KIF26B: variants seen among roughly 807,000 people sequenced by gnomAD.
KIF26B encodes kinesin family member 26B, also known as kinesin-like protein KIF26B.
KIF26B carries 63 observed loss-of-function variants against 151.2 expected under a neutral mutation model. The ratio of observed to expected loss-of-function variants is 0.42; its 90% CI spans 0.34 to 0.51. KIF26B has a LOEUF of 0.51. Among genes scored for constraint, KIF26B ranks in the 20% least tolerant of loss-of-function variants. KIF26B has a pLI of 0.07. For synonymous variants in KIF26B, 1,357 were observed against 1,262.1 expected (o/e 1.08, Z -1.59); for missense variants, 2,813 against 2,913.6 (o/e 0.97, Z 0.79).
intron 10 of KIF26B, among the ~76,000 whole-genome samples, chr1:245,678,264 T>A (rs2044380096): frequency 6.6e-6 from 1 of 151,810 alleles, no homozygotes. Flanking sequence ...TGCAGGGCCC[T>A]GGGGTTTGGG....
intron 2 of KIF26B, among the ~76,000 whole-genome samples, chr1:245,333,256 C>A (rs1449514345): frequency 1.3e-5 from 2 of 152,182 alleles, no homozygotes; most frequent in Non-Finnish European, 2.9e-5. Context: ...AATGTTGTTT[C>A]AGCCGTAAAA....
chr1:245,534,880 T>TCAAGCGATTCTCCCACCTC, intron 4 of KIF26B, among the ~76,000 whole-genome samples: 1 of 151,930 alleles, frequency 6.6e-6, no homozygotes, highest in Non-Finnish European at 1.5e-5. Flanking sequence ...CCTCCCAGGT[T>TCAAGCGATTCTCCCACCTC]CAAGCGATTC....
chr1:245,496,177 G>A (rs35911362), intron 4 of KIF26B, among the ~76,000 whole-genome samples: 5,038 of 152,262 alleles, frequency 0.033, 132 homozygotes, highest in Non-Finnish European at 0.05. Flanking sequence ...AATATGAGAT[G>A]TATTGATGGC....
chr1:245,575,441 C>G (rs2043109505), intron 5 of KIF26B, among the ~76,000 whole-genome samples: 1 of 151,868 alleles, frequency 6.6e-6, no homozygotes, highest in African/African-American at 2.4e-5. Context: ...TGCCACTATA[C>G]TCCAGCCTGG....
rs550482054 is a variant in KIF26B at position 245,591,967 on chromosome 1, G to A, written c.1351-10610G>A. 2.6e-4 allele frequency among the ~76,000 whole-genome samples: 39 copies of A among 152,246 alleles called. No homozygotes were observed. In the South Asian group the frequency reaches 7.1e-3, roughly 28 times the overall value. ...TTGGTTTCAACTCCCTCCCTCCAGC[G>A]CGCAGTCCCTTGCCGGGCTTGCCTG... On this transcript the variant is annotated intron_variant, in intron 5 of 14. Coordinates refer to ENST00000407071, the MANE Select transcript of KIF26B (RefSeq NM_018012.4).
chr1:245,178,515 G>A (rs6661783), intron 2 of KIF26B, among the ~76,000 whole-genome samples: 28,826 of 151,938 alleles, frequency 0.19, 3,792 homozygotes, highest in African/African-American at 0.38. Context: ...CTTTTTAAGC[G>A]TATGGTTCAG....
At position 245,687,059 on chromosome 1, in the gene KIF26B, G is replaced by A. The variant is rs747548249; in HGVS notation, c.4076G>A (p.Gly1359Asp). ...TTCAACAAAGCAGCCCCCATCAAAGGCTGCAAAATATCCACAGTGAGCAAG... is the reference window on the plus strand; with the variant it reads ...TTCAACAAAGCAGCCCCCATCAAAGACTGCAAAATATCCACAGTGAGCAAG... ...DSFNKAAPIK[G>D]CKISTVSKAM... is the part of the protein sequence containing the mutation. Residue 1359 changes from glycine (G) to aspartate (D), a missense_variant, in exon 12 of 15, where the codon GGC (glycine) becomes GAC (aspartate). Physicochemically the swap from Gly to Asp is moderately conservative, Grantham distance 94 (BLOSUM62 -1). This residue lies in a region of KIF26B where 2,060 missense variants were observed against 2,088.6 expected (regional missense o/e 0.99). Coordinates refer to ENST00000407071, the MANE Select transcript of KIF26B (RefSeq NM_018012.4). This position sits in a 1 kb window ranked among gnomAD's most constrained non-coding sequence, Gnocchi z 4.9. 9 of 1,613,356 alleles carry A rather than the reference G, an allele frequency of 5.6e-6. No individual in the cohort carries two copies. The highest frequency in any genetic ancestry group is 5.5e-5 in the South Asian group (5 of 91,028).
At position 245,698,158 on chromosome 1, in the gene KIF26B, T is replaced by C. The variant is rs1401514914; in HGVS notation, c.5877T>C (p.Pro1959=). 3.7e-6 allele frequency: 6 copies of C among 1,614,010 alleles called. No homozygotes were observed. In the Admixed American group the frequency reaches 1.0e-4, roughly 27 times the overall value. The change falls in exon 13 of 15, where the codon CCT becomes CCC. Residue 1959 remains proline (P), a synonymous_variant. Coordinates refer to ENST00000407071, the MANE Select transcript of KIF26B (RefSeq NM_018012.4). The surrounding 1 kb of genome is among the most constrained non-coding windows in gnomAD (Gnocchi z 4.0). ...CACTATCCCTGGACACCTCTTCCCCTGTGAGAAAACCCCCCAACAGCACAG... is the reference window on the plus strand; with the variant it reads ...CACTATCCCTGGACACCTCTTCCCCCGTGAGAAAACCCCCCAACAGCACAG... The part of the protein sequence containing the change: ...IPALSLDTSS[P]VRKPPNSTGV...
chr1:245,621,526 T>C (rs1340800640), intron 9 of KIF26B, among the ~76,000 whole-genome samples: 2 of 152,220 alleles, frequency 1.3e-5, no homozygotes. Flanking sequence ...GGTCAAAGTC[T>C]AGACTTAAAA....
rs533579997 is a variant in KIF26B at position 245,424,186 on chromosome 1, C to A, written c.1166+4441C>A. 3.3e-5 allele frequency among the ~76,000 whole-genome samples: 5 copies of A among 152,184 alleles called. No homozygotes were observed. In the South Asian group the frequency reaches 1.0e-3, roughly 32 times the overall value. Reference sequence around the variant, plus strand: ...TTTATTTTTGAGATGGAGTCCCACTCACTCTGTTTCCCAGGCTGGAGTGCA... The same window carrying A: ...TTTATTTTTGAGATGGAGTCCCACTAACTCTGTTTCCCAGGCTGGAGTGCA... On this transcript the variant is annotated intron_variant, in intron 4 of 14. Coordinates refer to ENST00000407071, the MANE Select transcript of KIF26B (RefSeq NM_018012.4).
intron 10 of KIF26B, among the ~76,000 whole-genome samples, chr1:245,683,529 C>T (rs2044466752): frequency 6.6e-6 from 1 of 152,158 alleles, no homozygotes. Flanking sequence ...ATTATCACCA[C>T]TCAGGGCAGT....
intron 3 of KIF26B, among the ~76,000 whole-genome samples, chr1:245,376,104 G>A (rs1673266957): frequency 6.6e-6 from 1 of 152,168 alleles, no homozygotes; most frequent in Admixed American, 6.5e-5. Context: ...AGGAACGGGA[G>A]GGGAAGGAGA....
intron 3 of KIF26B, among the ~76,000 whole-genome samples, chr1:245,392,807 CTG>C (rs1305376321): frequency 1.3e-5 from 2 of 152,140 alleles, no homozygotes; most frequent in Non-Finnish European, 2.9e-5. Context: ...TTTTTTAACA[CTG>C]TTTTTCCTTT....
Position 245,366,909 on chromosome 1 carries a change from G to A in KIF26B, c.541G>A (p.Asp181Asn), listed in dbSNP as rs1432051596. 6.2e-7 allele frequency: 1 copy of A among 1,614,070 alleles called. No individual in the cohort carries two copies. Among genetic ancestry groups the A allele is most frequent in the Admixed American group, 1.7e-5 (1 of 60,028 alleles). The change falls in exon 3 of 15, where the codon GAC becomes AAC. Residue 181 changes from aspartate to asparagine, a missense_variant. Coordinates refer to ENST00000407071, the MANE Select transcript of KIF26B (RefSeq NM_018012.4). ...CATCCGGAAGGCATGGAACGACCGG[G>A]ACAACCGCTGTGACATTTGCGCCAC... Reference protein sequence around the residue: ...NTIRKAWNDRDNRCDICATHL... With the variant: ...NTIRKAWNDRNNRCDICATHL...
intron 2 of KIF26B, among the ~76,000 whole-genome samples, chr1:245,207,729 G>C (rs1669434814): frequency 6.6e-6 from 1 of 152,084 alleles, no homozygotes; most frequent in Non-Finnish European, 1.5e-5. Flanking sequence ...TGCTAAGTTG[G>C]TAGTTTCCAC....
chr1:245,635,228 T>C (rs2043822402), intron 9 of KIF26B, among the ~76,000 whole-genome samples: 1 of 151,998 alleles, frequency 6.6e-6, no homozygotes, highest in African/African-American at 2.4e-5. Context: ...CTTCCTTAAA[T>C]GGTGGGTAGA....
At chr1:245,363,880 G>A (rs1056149422) in intron 2 of KIF26B, among the ~76,000 whole-genome samples, 18 of 152,192 alleles carry the variant, frequency 1.2e-4, no homozygotes, top group African/African-American at 4.8e-5. Context: ...GTTGGTGCTC[G>A]CTGGGCTTGC....
At chr1:245,158,191 A>T (rs921909793) in intron 2 of KIF26B, among the ~76,000 whole-genome samples, 9 of 152,208 alleles carry the variant, frequency 5.9e-5, no homozygotes, top group African/African-American at 2.2e-4. Flanking sequence ...AAATTATTTT[A>T]GACCTTTCTT....
chr1:245,560,014 G>A lies in KIF26B; in HGVS notation c.1350+19064G>A, dbSNP rs143865454. Among the ~76,000 whole-genome samples, 15 of 152,034 alleles carry A rather than the reference G, an allele frequency of 9.9e-5. No individual in the cohort carries two copies. The highest frequency in any genetic ancestry group is 3.6e-4 in the African/African-American group (15 of 41,476). ...GCTGTCGTCTCTGCCAGGGATGCTC[G>A]TCTCTCATTCGTTTTTTTGGCGTGG... On this transcript the variant is annotated intron_variant, in intron 5 of 14. Transcript: ENST00000407071. This position sits in a 1 kb window ranked among gnomAD's most constrained non-coding sequence, Gnocchi z 4.3.
Sources: gnomAD v4.1 joint callset for allele counts (sites outside exome capture counted in the v4.1 genomes callset) on GRCh38, gnomAD v4.1.1 for gene constraint, gnomAD v4.1.1 regional missense constraint, Gnocchi (gnomAD v3.1) non-coding constraint, MANE v1.5 for transcripts, NCBI Gene and HGNC (gene_info 2026-07-23, HGNC 2026-07-21) for gene names.